SUMF1: variants seen among roughly 807,000 people sequenced by gnomAD.
SUMF1 encodes the protein sulfatase modifying factor 1, also known as formylglycine-generating enzyme.
In SUMF1, 48 loss-of-function variants were observed where a neutral mutation model predicts 47.6. The ratio of observed to expected loss-of-function variants is 1.01; its 90% CI spans 0.80 to 1.28. The LOEUF is 1.28. SUMF1 is among the 50% of genes most tolerant of loss of function. SUMF1 has a pLI of 0.00. For missense variants in SUMF1, 571 were observed against 485.4 expected, an observed-to-expected ratio of 1.18 and a Z score of -1.66; for synonymous variants, 230 against 192.1, an observed-to-expected ratio of 1.20 and a Z score of -1.63.
At chr3:4,050,519 ATTGT>A (rs1695088924) in intron 9 of SUMF1, among the ~76,000 whole-genome samples, 1 of 151,820 alleles carries the variant, frequency 6.6e-6, no homozygotes, top group Non-Finnish European at 1.5e-5. Flanking sequence ...AGGTGGGTGG[ATTGT>A]TTGAGTCCAG....
intron 3 of SUMF1, among the ~76,000 whole-genome samples, chr3:4,426,124 G>A (rs764113999): frequency 1.3e-5 from 2 of 152,138 alleles, no homozygotes; most frequent in Non-Finnish European, 2.9e-5. Context: ...AACCATATCA[G>A]GGAGGGTGTG....
chr3:4,312,917 T>C (rs1159947842), intron 8 of SUMF1: 2 of 1,612,242 alleles, frequency 1.2e-6, no homozygotes, highest in Non-Finnish European at 1.7e-6. Flanking sequence ...GATCATGTAG[T>C]TGGACCTGGA....
At chr3:4,449,145 A>C in intron 3 of SUMF1, 121 bp downstream of exon 3, 1 of 1,092,572 alleles carries the variant, frequency 9.2e-7, no homozygotes, top group Non-Finnish European at 1.4e-6. Context: ...GTCAATCCTC[A>C]GCAGGAGAAT....
intron 1 of SUMF1, among the ~76,000 whole-genome samples, chr3:4,463,027 C>T (rs1311424368): frequency 6.6e-6 from 1 of 152,184 alleles, no homozygotes; most frequent in African/African-American, 2.4e-5. Context: ...AGTATGTGAC[C>T]TTCTCTATTC....
At chr3:4,456,293 G>A (rs1286035363) in intron 1 of SUMF1, among the ~76,000 whole-genome samples, 1 of 152,080 alleles carries the variant, frequency 6.6e-6, no homozygotes, top group East Asian at 1.9e-4. Flanking sequence ...TTGCCTGTTA[G>A]ATTCAGAACA....
intron 8 of SUMF1, among the ~76,000 whole-genome samples, chr3:4,093,680 G>C (rs376435127): frequency 1.3e-5 from 2 of 152,098 alleles, no homozygotes; most frequent in East Asian, 3.9e-4. Flanking sequence ...GAAACAATAA[G>C]GGAAAAGGCT....
chr3:4,215,961 C>G (rs986775958), intron 8 of SUMF1, among the ~76,000 whole-genome samples: 1 of 152,174 alleles, frequency 6.6e-6, no homozygotes. Flanking sequence ...AATGGTCATA[C>G]TGCCCAAAGT....
downstream of SUMF1, among the ~76,000 whole-genome samples, chr3:4,360,828 G>A (rs187058224): frequency 5.9e-5 from 9 of 152,310 alleles, no homozygotes; most frequent in Admixed American, 5.2e-4. Flanking sequence ...ACCTTAGGTT[G>A]AAAGCTATTG....
chr3:4,186,632 T>C (rs1403281637), intron 8 of SUMF1, among the ~76,000 whole-genome samples: 2 of 152,154 alleles, frequency 1.3e-5, no homozygotes, highest in Non-Finnish European at 2.9e-5. Flanking sequence ...ATTGTCCCTA[T>C]GACCAATTTT....
chr3:4,440,535 G>A (rs182023640), intron 3 of SUMF1, among the ~76,000 whole-genome samples: 25 of 152,310 alleles, frequency 1.6e-4, no homozygotes, highest in Admixed American at 1.6e-3. Flanking sequence ...TCGTGCAGTT[G>A]TGATTAAATA....
In SUMF1 at chr3:4,197,732, A is replaced by T. The variant is rs73806929; in HGVS notation, c.1015-128987T>A. Among the ~76,000 whole-genome samples the T allele has an allele frequency of 4.1e-3, 629 of 152,254 alleles. 6 individuals carry two copies. Among genetic ancestry groups the T allele is most frequent in the African/African-American group, 0.014 (597 of 41,564 alleles). On this transcript the variant is annotated intron_variant and NMD_transcript_variant, in intron 8 of 12. Transcript: ENST00000448413. ...CTATTGTCTATCCAAACATGTCAGT[A>T]AACATTTATGTCAAACGACTAACCT...
chr3:4,457,514 A>C (rs2079695589), intron 1 of SUMF1, among the ~76,000 whole-genome samples: 1 of 152,198 alleles, frequency 6.6e-6, no homozygotes, highest in Non-Finnish European at 1.5e-5. Context: ...AAACCTAATC[A>C]AATGGCATGG....
intron 1 of SUMF1, among the ~76,000 whole-genome samples, chr3:4,456,676 GTATATATATATGTGTGTA>G (rs2079619683): frequency 7.2e-6 from 1 of 138,256 alleles, no homozygotes; most frequent in South Asian, 2.2e-4. Flanking sequence ...ATATATACGT[GTATATATATATGTGTGTA>G]TATATATATA....
intron 8 of SUMF1, among the ~76,000 whole-genome samples, chr3:4,293,677 T>C (rs13097386): frequency 0.33 from 50,783 of 152,048 alleles, 9,456 homozygotes; most frequent in Non-Finnish European, 0.43. Flanking sequence ...CTGTTCTAAG[T>C]AGTCAGGCTG....
rs1015770532 is a variant in SUMF1 at position 4,317,261 on chromosome 3, G to A, written c.1014+59069C>T. On this transcript the variant is annotated intron_variant and NMD_transcript_variant, in intron 8 of 12. Coordinates refer to the SUMF1 transcript ENST00000448413. ...ATTTTGATTAATAAAAATGCGTTGA[G>A]CCTAGTTATAATGATTTAAAATTCA... The A allele has an allele frequency of 8.7e-6, 13 of 1,499,986 alleles. No individual in the cohort carries two copies. In the African/African-American group the frequency reaches 1.7e-4, roughly 19 times the overall value. The allele number at this position is 1,499,986 out of a possible 1,614,324, so 92.9% of individuals were successfully genotyped here.
intron 8 of SUMF1, among the ~76,000 whole-genome samples, chr3:4,202,989 T>A (rs75731705): frequency 0.019 from 2,962 of 152,030 alleles, 113 homozygotes; most frequent in African/African-American, 0.067. Context: ...GATTTTGGGG[T>A]CTAACATATT....
At chr3:4,329,165 G>A (rs562587564) in intron 8 of SUMF1, among the ~76,000 whole-genome samples, 3 of 152,320 alleles carry the variant, frequency 2.0e-5, no homozygotes, top group East Asian at 3.9e-4. Context: ...TTTTCCAGGT[G>A]CATGGTGCAA....
intron 9 of SUMF1, among the ~76,000 whole-genome samples, chr3:4,051,048 A>T (rs1007723045): frequency 1.3e-5 from 2 of 152,120 alleles, no homozygotes. Flanking sequence ...TGCTGCGCAC[A>T]ACTACCCACA....
chr3:4,278,348 T>C (rs566082939), intron 8 of SUMF1, among the ~76,000 whole-genome samples: 22 of 152,206 alleles, frequency 1.4e-4, no homozygotes, highest in Middle Eastern at 6.8e-3. Flanking sequence ...GATCAAATCA[T>C]AGGACATGCA....
Sources: gnomAD v4.1 joint callset for allele counts (sites outside exome capture counted in the v4.1 genomes callset) on GRCh38, gnomAD v4.1.1 for gene constraint, MANE v1.5 for transcripts, NCBI Gene and HGNC (gene_info 2026-07-23, HGNC 2026-07-21) for gene names.